Variants in HMGN5 observed in about 807,000 individuals in gnomAD.
HMGN5 encodes the protein high mobility group nucleosome binding domain 5.
A neutral mutation model predicts 9.5 loss-of-function variants in HMGN5; 4 were observed. The ratio of observed to expected loss-of-function variants is 0.42; its 90% CI spans 0.21 to 0.96. HMGN5 has a LOEUF of 0.96. Ranked by LOEUF, HMGN5 falls within the 40% of genes least tolerant of loss-of-function variation. HMGN5 has a pLI of 0.30. For synonymous variants in HMGN5, 55 were observed against 57.1 expected (o/e 0.96, Z 0.16); for missense variants, 192 against 187.5 (o/e 1.02, Z -0.14).
chrX:81,137,054 A>G (rs2075313116), intron 1 of HMGN5, among the ~76,000 whole-genome samples: 1 of 111,415 alleles, frequency 9.0e-6, no homozygotes, highest in Admixed American at 9.6e-5. Context: ...AATGAAGCAA[A>G]TGCATGAAGC....
chrX:81,177,367 C>CAAAAAAAAAAAAAAAAA lies in HMGN5; in HGVS notation c.-124+24353_-124+24369dup, dbSNP rs148090852. On this transcript the variant is annotated intron_variant, in intron 1 of 6. Coordinates refer to ENST00000358130, the MANE Select transcript of HMGN5 (RefSeq NM_030763.3). ...GAAGATCTACCAAGCAAATGGAAAG[C>CAAAAAAAAAAAAAAAAA]AAAAAAAAAAAAAAAAAAAAAAAAA... Among the ~76,000 whole-genome samples the CAAAAAAAAAAAAAAAAA allele has an allele frequency of 1.1e-3, 12 of 10,676 alleles. 1 individual carries two copies. Among genetic ancestry groups the CAAAAAAAAAAAAAAAAA allele is most frequent in the African/African-American group, 1.4e-3 (5 of 3,475 alleles). 9.3% of individuals were successfully genotyped at this position (10,676 alleles called of 115,157 possible).
At chrX:81,135,991 G>A (rs977600964) in intron 1 of HMGN5, among the ~76,000 whole-genome samples, 1 of 110,991 alleles carries the variant, frequency 9.0e-6, no homozygotes, top group Non-Finnish European at 1.9e-5. Flanking sequence ...CTCTCTCTTA[G>A]CACATAACCA....
rs192745181 is a variant in HMGN5 at position 81,201,484 on chromosome X, A to C, written c.-124+253T>G. ...TTTGTAATTTATTCCTTCATTCTTA[A>C]ACTTGCCAATCAGGCCTCCTGCAAA... On this transcript the variant is annotated intron_variant, in intron 1 of 6. Coordinates refer to ENST00000358130, the MANE Select transcript of HMGN5 (RefSeq NM_030763.3). 6.3e-5 allele frequency among the ~76,000 whole-genome samples: 7 copies of C among 111,861 alleles called. No homozygotes were observed. The East Asian group carries it at 1.7e-3, about 27-fold the overall frequency.
intron 4 of HMGN5, 33 bp from the exon 5 acceptor site, chrX:81,118,518 G>GA (rs751979095): frequency 4.6e-6 from 5 of 1,078,328 alleles, no homozygotes; most frequent in South Asian, 2.1e-5. Context: ...AAAAGAAAAG[G>GA]AAAAAAATCA....
intron 1 of HMGN5, among the ~76,000 whole-genome samples, chrX:81,153,613 A>C (rs867651770): frequency 0.026 from 1,189 of 45,253 alleles, 150 homozygotes; most frequent in Admixed American, 0.085. Context: ...ATATATATAT[A>C]TATATATATA....
intron 1 of HMGN5, among the ~76,000 whole-genome samples, chrX:81,194,806 A>G (rs2075503456): frequency 8.9e-6 from 1 of 112,233 alleles, no homozygotes; most frequent in Admixed American, 9.5e-5. Flanking sequence ...TACAAGGATA[A>G]AGATGAGTTT....
intron 1 of HMGN5, among the ~76,000 whole-genome samples, chrX:81,150,968 C>T (rs2075360315): frequency 9.0e-6 from 1 of 111,386 alleles, no homozygotes; most frequent in Non-Finnish European, 1.9e-5. Context: ...AAATTGAAGC[C>T]GTAAGAAAAA....
At chrX:81,199,445 AG>A (rs1389814564) in intron 1 of HMGN5, among the ~76,000 whole-genome samples, 2 of 112,771 alleles carry the variant, frequency 1.8e-5, no homozygotes, top group African/African-American at 6.5e-5. Context: ...AAAAGAACAA[AG>A]CTGGAGGCAT....
At chrX:81,198,486 C>T (rs2075515536) in intron 1 of HMGN5, among the ~76,000 whole-genome samples, 1 of 111,057 alleles carries the variant, frequency 9.0e-6, no homozygotes, top group South Asian at 3.8e-4. Context: ...CAGTAAAATA[C>T]TGGCAAACAG....
chrX:81,153,169 T>A (rs185072953), intron 1 of HMGN5, among the ~76,000 whole-genome samples: 3 of 107,428 alleles, frequency 2.8e-5, no homozygotes, highest in African/African-American at 1.0e-4. Flanking sequence ...AATAAAAAAA[T>A]AAAAAAAGAA....
At chrX:81,119,692 C>G in intron 3 of HMGN5, 96 bp downstream of exon 3, 1 of 713,140 alleles carries the variant, frequency 1.4e-6, no homozygotes, top group South Asian at 2.4e-5. Context: ...TCATATTGTA[C>G]AAATATACCA....
chrX:81,180,114 A>G (rs2075457458), intron 1 of HMGN5, among the ~76,000 whole-genome samples: 1 of 111,900 alleles, frequency 8.9e-6, no homozygotes, highest in Admixed American at 9.5e-5. Flanking sequence ...AAGAAAACCT[A>G]GGCATTACCA....
intron 1 of HMGN5, among the ~76,000 whole-genome samples, chrX:81,126,464 T>C (rs1022558214): frequency 3.6e-5 from 4 of 111,724 alleles, no homozygotes; most frequent in East Asian, 2.8e-4. Context: ...AAAAACTACT[T>C]TTTACCTTAT....
intron 1 of HMGN5, among the ~76,000 whole-genome samples, chrX:81,143,918 C>T (rs1330258086): frequency 8.9e-6 from 1 of 112,167 alleles, no homozygotes; most frequent in Non-Finnish European, 1.9e-5. Context: ...CACAGCTCAG[C>T]AAGGCTGCTG....
chrX:81,137,245 T>C (rs1364730633), intron 1 of HMGN5, among the ~76,000 whole-genome samples: 1 of 111,508 alleles, frequency 9.0e-6, no homozygotes, highest in Non-Finnish European at 1.9e-5. Context: ...CTAATTTATA[T>C]AGATATAACA....
chrX:81,200,204 CAT>C (rs2075521704), intron 1 of HMGN5, among the ~76,000 whole-genome samples: 1 of 111,047 alleles, frequency 9.0e-6, no homozygotes, highest in Non-Finnish European at 1.9e-5. Flanking sequence ...GAATGGCAAT[CAT>C]ACAACAGATG....
At chrX:81,132,393 C>T (rs1426923404) in intron 1 of HMGN5, among the ~76,000 whole-genome samples, 1 of 111,247 alleles carries the variant, frequency 9.0e-6, no homozygotes, top group Non-Finnish European at 1.9e-5. Flanking sequence ...CAAAAAACAC[C>T]CAATAGCCAA....
At chrX:81,124,064 C>G (rs2075276333) in intron 1 of HMGN5, among the ~76,000 whole-genome samples, 1 of 112,411 alleles carries the variant, frequency 8.9e-6, no homozygotes, top group South Asian at 3.7e-4. Context: ...ATGTGCAGGT[C>G]AGTGAGCTCT....
chrX:81,130,778 A>G (rs1306449612), intron 1 of HMGN5, among the ~76,000 whole-genome samples: 1 of 111,135 alleles, frequency 9.0e-6, no homozygotes, highest in Non-Finnish European at 1.9e-5. Context: ...ATTGAGCACT[A>G]CAAGGGTCCA....
Sources: gnomAD v4.1 joint callset for allele counts (sites outside exome capture counted in the v4.1 genomes callset) on GRCh38, gnomAD v4.1.1 for gene constraint, MANE v1.5 for transcripts, NCBI Gene and HGNC (gene_info 2026-07-23, HGNC 2026-07-21) for gene names.